PSMA2: variants seen among roughly 807,000 people sequenced by gnomAD.
The protein encoded by PSMA2 is proteasome subunit alpha type-2.
PSMA2 carries 2 observed loss-of-function variants against 35.9 expected under a neutral mutation model. The observed-to-expected ratio is 0.06, with a 90% CI of 0.02 to 0.18. PSMA2 has a LOEUF of 0.18. Among genes scored for constraint, PSMA2 ranks in the 10% least tolerant of loss-of-function variants. The pLI, the probability that PSMA2 is intolerant of heterozygous loss-of-function variation, is 1.00. For missense variants in PSMA2, 126 were observed against 278.8 expected, an observed-to-expected ratio of 0.45 and a Z score of 3.90; for synonymous variants, 97 against 98.2, an observed-to-expected ratio of 0.99 and a Z score of 0.07.
At chr7:42,928,304 T>A (rs545931188) in intron 1 of PSMA2, among the ~76,000 whole-genome samples, 39 of 152,360 alleles carry the variant, frequency 2.6e-4, no homozygotes, top group African/African-American at 9.1e-4. Flanking sequence ...TGAATAGTAA[T>A]GTTATTAAGA....
chr7:42,921,788 T>C, intron 6 of PSMA2, 70 bp downstream of exon 6: 1 of 1,273,524 alleles, frequency 7.9e-7, no homozygotes. Flanking sequence ...ATGATATTAA[T>C]TTACTTAAAG....
intron 1 of PSMA2, 104 bp downstream of exon 1, chr7:42,932,014 G>A (rs1583611180): frequency 6.9e-7 from 1 of 1,440,828 alleles, no homozygotes; most frequent in East Asian, 2.3e-5. Context: ...TTCCCTACTG[G>A]ACCCTCCAGA....
rs1446599966 is a variant in PSMA2, at chr7:42,917,192, A to C, written c.*382T>G. On this transcript the variant is annotated 3_prime_UTR_variant, in exon 8 of 8. Coordinates refer to ENST00000223321, the MANE Select transcript of PSMA2 (RefSeq NM_002787.5). ...AGTCTGCAGATCCTCCCAGCTCTAG[A>C]AGCAGTCATGTTTTTTACCAAAATC... 1 of 183,294 alleles carries C rather than the reference A, an allele frequency of 5.5e-6. No homozygotes were observed. Among genetic ancestry groups the C allele is most frequent in the Non-Finnish European group, 1.1e-5 (1 of 87,590 alleles). 11.4% of individuals were successfully genotyped at this position (183,294 alleles called of 1,614,324 possible).
At chr7:42,924,426 T>C (rs557672061) in intron 4 of PSMA2, among the ~76,000 whole-genome samples, 42 of 149,348 alleles carry the variant, frequency 2.8e-4, no homozygotes, top group African/African-American at 9.9e-4. Flanking sequence ...AGTGTTTTAA[T>C]CACTGGCAAA....
At chr7:42,917,934 C>A in intron 6 of PSMA2, 99 bp from the exon 7 acceptor site, 1 of 819,954 alleles carries the variant, frequency 1.2e-6, no homozygotes. Flanking sequence ...AAACTCTAAA[C>A]ATCTTAAAAA....
At chr7:42,926,772 A>T (rs990248055) in intron 2 of PSMA2, 104 bp from the exon 3 acceptor site, 297 of 1,267,088 alleles carry the variant, frequency 2.3e-4, no homozygotes, top group Non-Finnish European at 2.3e-4. Context: ...TATTTCCTTT[A>T]ATTTATAAAA....
At chr7:42,927,561 CCA>C in intron 1 of PSMA2, 102 bp from the exon 2 acceptor site, 3 of 1,152,012 alleles carry the variant, frequency 2.6e-6, no homozygotes, top group Non-Finnish European at 3.8e-6. Context: ...TCCAATTTAT[CCA>C]ACTCCAGGGA....
At chr7:42,920,752 T>TA (rs1243411633) in intron 6 of PSMA2, 4 of 152,228 alleles carry the variant, frequency 2.6e-5, no homozygotes, top group Non-Finnish European at 5.9e-5. Context: ...ACCTTAACGT[T>TA]ACGTGAAAAA....
At chr7:42,919,346 C>A in intron 6 of PSMA2, 1 of 577,824 alleles carries the variant, frequency 1.7e-6, no homozygotes, top group Admixed American at 1.9e-5. Context: ...CTCATAAACA[C>A]ATTATCAAGA....
At chr7:42,932,073 C>G (rs751672464) in intron 1 of PSMA2, 45 bp downstream of exon 1, 1 of 1,612,864 alleles carries the variant, frequency 6.2e-7, no homozygotes, top group East Asian at 2.2e-5. Flanking sequence ...GACAGAGTAC[C>G]AGCAACCTCG....
chr7:42,919,415 T>G (rs1179645001), intron 6 of PSMA2: 1 of 557,576 alleles, frequency 1.8e-6, no homozygotes, highest in African/African-American at 1.9e-5. Context: ...ATAAACTGTT[T>G]TGCATATATG....
intron 1 of PSMA2, among the ~76,000 whole-genome samples, chr7:42,929,435 C>A (rs761865688): frequency 6.6e-6 from 1 of 152,188 alleles, no homozygotes; most frequent in Non-Finnish European, 1.5e-5. Flanking sequence ...TACCATTTCT[C>A]TGTTCCTATT....
intron 1 of PSMA2, among the ~76,000 whole-genome samples, chr7:42,929,493 G>T (rs1419630229): frequency 6.6e-6 from 1 of 152,076 alleles, no homozygotes; most frequent in Non-Finnish European, 1.5e-5. Flanking sequence ...CTGCGTGAAA[G>T]CTCACTAACC....
At chr7:42,923,487 A>G in intron 4 of PSMA2, 81 bp from the exon 5 acceptor site, 1 of 1,054,080 alleles carries the variant, frequency 9.5e-7, no homozygotes, top group Non-Finnish European at 1.4e-6. Flanking sequence ...ACTCTCAAAT[A>G]AAGCAAATTA....
In PSMA2 at chr7:42,923,286, C is replaced by G. The variant is rs751341043; in HGVS notation, c.456+39G>C. On this transcript the variant is annotated intron_variant, in intron 5 of 7. Transcript: ENST00000223321. ...ATTTCTGTTAGATATTCAAAGAGCACTTTTAACAAATCCCTCAAATACATT... is the reference window on the plus strand; with the variant it reads ...ATTTCTGTTAGATATTCAAAGAGCAGTTTTAACAAATCCCTCAAATACATT... 9.4e-6 allele frequency: 14 copies of G among 1,484,728 alleles called. No individual in the cohort carries two copies. The South Asian group carries it at 1.6e-4, about 17-fold the overall frequency. The allele number at this position is 1,484,728 out of a possible 1,614,324, so 92.0% of individuals were successfully genotyped here.
At chr7:42,924,531 G>T in intron 4 of PSMA2, 144 bp downstream of exon 4, 1 of 864,012 alleles carries the variant, frequency 1.2e-6, no homozygotes, top group Non-Finnish European at 1.7e-6. Context: ...AGCCAGATAA[G>T]ATCAGAAATA....
chr7:42,931,806 G>A (rs1786317930), intron 1 of PSMA2, among the ~76,000 whole-genome samples: 2 of 152,214 alleles, frequency 1.3e-5, no homozygotes, highest in Admixed American at 6.5e-5. Context: ...CCCAGAGATG[G>A]TTAAGCTAAA....
intron 3 of PSMA2, among the ~76,000 whole-genome samples, chr7:42,925,086 A>G (rs1027008164): frequency 6.7e-6 from 1 of 149,370 alleles, no homozygotes; most frequent in Non-Finnish European, 1.5e-5. Context: ...ATCCAAGGGC[A>G]GCCGCTTGTC....
chr7:42,918,744 G>C, intron 6 of PSMA2: 1 of 155,856 alleles, frequency 6.4e-6, no homozygotes, highest in Middle Eastern at 7.5e-4. Context: ...CACCTCCATA[G>C]CAATGAGACT....
Sources: allele counts gnomAD v4.1 joint callset (sites outside exome capture counted in the v4.1 genomes callset), GRCh38; gene constraint gnomAD v4.1.1; transcripts MANE v1.5; gene names NCBI Gene and HGNC (gene_info 2026-07-23, HGNC 2026-07-21).